Variants in ELMO1 observed in about 807,000 individuals in gnomAD.
ELMO1 encodes engulfment and cell motility 1, also known as engulfment and cell motility protein 1.
In ELMO1, 26 loss-of-function variants were observed where a neutral mutation model predicts 98.9. The observed-to-expected ratio is 0.26, with a 90% CI of 0.19 to 0.36. The LOEUF (loss-of-function observed/expected upper bound fraction) is 0.36, where lower values mean the gene tolerates loss of function less well. Among genes scored for constraint, ELMO1 ranks in the 10% least tolerant of loss-of-function variants. The pLI is 1.00. For synonymous variants in ELMO1, 346 were observed against 346.0 expected, an observed-to-expected ratio of 1.00 and a Z score of 0.00; for missense variants, 627 against 935.2, an observed-to-expected ratio of 0.67 and a Z score of 4.30.
intron 4 of ELMO1, among the ~76,000 whole-genome samples, chr7:37,279,335 C>T (rs1318428706): frequency 6.6e-6 from 1 of 152,160 alleles, no homozygotes; most frequent in Non-Finnish European, 1.5e-5. Flanking sequence ...TCATGGCGGA[C>T]GGGAGGCAGG....
intron 13 of ELMO1, among the ~76,000 whole-genome samples, chr7:37,171,483 A>ATTTTTTTTTTTTTTTTTTTT (rs71780142): frequency 1.2e-5 from 1 of 82,914 alleles, no homozygotes; most frequent in African/African-American, 4.2e-5. Context: ...AGGCCTTTCT[A>ATTTTTTTTTTTTTTTTTTTT]TTTTTTTTTT....
intron 1 of ELMO1, among the ~76,000 whole-genome samples, chr7:37,392,000 A>G (rs547714945): frequency 1.3e-5 from 2 of 152,316 alleles, no homozygotes; most frequent in Non-Finnish European, 2.9e-5. Context: ...GCACCCAGAA[A>G]TTGAAGAACT....
rs533643332 is a variant in ELMO1, at chr7:37,399,447, A to C, written c.-74+49228T>G. Among the ~76,000 whole-genome samples, 5 of 152,286 alleles carry C rather than the reference A, an allele frequency of 3.3e-5. No individual in the cohort carries two copies. The South Asian group carries it at 1.0e-3, about 32-fold the overall frequency. On this transcript the variant is annotated intron_variant, in intron 1 of 21. Transcript: ENST00000310758. ...CTCTCAGGAAGCCCTGGGCATAGCCACCTTGCACCAGGCACATGTTATTCC... is the reference window on the plus strand; with the variant it reads ...CTCTCAGGAAGCCCTGGGCATAGCCCCCTTGCACCAGGCACATGTTATTCC...
At chr7:36,928,895 G>C (rs377217259) in intron 16 of ELMO1, among the ~76,000 whole-genome samples, 22 of 152,312 alleles carry the variant, frequency 1.4e-4, no homozygotes, top group African/African-American at 4.8e-4. Context: ...CACAGCACGT[G>C]CACCCACAAC....
chr7:36,931,324 G>C (rs1406878577), intron 16 of ELMO1, among the ~76,000 whole-genome samples: 1 of 152,186 alleles, frequency 6.6e-6, no homozygotes, highest in Non-Finnish European at 1.5e-5. Context: ...TTCAGGCCAG[G>C]CATGGTGGCT....
At chr7:37,120,339 C>T (rs565077250) in intron 14 of ELMO1, among the ~76,000 whole-genome samples, 230 of 152,352 alleles carry the variant, frequency 1.5e-3, no homozygotes, top group African/African-American at 5.1e-3. Context: ...TTGCCTCACC[C>T]GACAAGCGCA....
chr7:37,109,960 C>T (rs1297717254), intron 14 of ELMO1, among the ~76,000 whole-genome samples: 2 of 152,164 alleles, frequency 1.3e-5, no homozygotes, highest in Non-Finnish European at 2.9e-5. Flanking sequence ...GTGTTGCAGG[C>T]CACAGCAATG....
chr7:37,145,543 A>G (rs1036373342), intron 13 of ELMO1, among the ~76,000 whole-genome samples: 7 of 152,240 alleles, frequency 4.6e-5, no homozygotes, highest in Non-Finnish European at 8.8e-5. Context: ...TAATCAGGCA[A>G]TATTTCTACT....
At chr7:36,915,694 A>G (rs1784637966) in intron 16 of ELMO1, among the ~76,000 whole-genome samples, 1 of 152,218 alleles carries the variant, frequency 6.6e-6, no homozygotes, top group Admixed American at 6.5e-5. Context: ...TGTGTTGGCA[A>G]TCCAAGATAT....
intron 4 of ELMO1, among the ~76,000 whole-genome samples, chr7:37,312,219 A>G (rs1415300866): frequency 6.6e-6 from 1 of 152,118 alleles, no homozygotes; most frequent in East Asian, 1.9e-4. Context: ...CAGCCTCCTG[A>G]GTGGGACTAC....
At chr7:37,291,000 T>G (rs549265400) in intron 4 of ELMO1, among the ~76,000 whole-genome samples, 1 of 152,078 alleles carries the variant, frequency 6.6e-6, no homozygotes, top group African/African-American at 2.4e-5. Flanking sequence ...GTCTTGTTAG[T>G]TGGAAGCTAT....
chr7:37,045,783 G>A (rs765663725), intron 15 of ELMO1, among the ~76,000 whole-genome samples: 36 of 152,106 alleles, frequency 2.4e-4, no homozygotes, highest in Admixed American at 4.6e-4. Flanking sequence ...TTTCTATGAT[G>A]GAAAGTATCT....
At chr7:37,272,559 C>T (rs554381962) in intron 4 of ELMO1, among the ~76,000 whole-genome samples, 135 of 152,152 alleles carry the variant, frequency 8.9e-4, no homozygotes, top group Admixed American at 3.5e-3. Context: ...CCTGTAATCC[C>T]AGCTACTCAG....
At chr7:37,376,082 T>C in intron 1 of ELMO1, 1 of 353,560 alleles carries the variant, frequency 2.8e-6, no homozygotes, top group South Asian at 2.6e-5. Context: ...TTTAAAAAAA[T>C]GAACAAACAA....
chr7:37,397,326 T>C (rs1882077), intron 1 of ELMO1, among the ~76,000 whole-genome samples: 74,148 of 152,130 alleles, frequency 0.49, 19,780 homozygotes, highest in Non-Finnish European at 0.61. Flanking sequence ...AAGAGAAATA[T>C]TTAGTTCTCA....
intron 14 of ELMO1, among the ~76,000 whole-genome samples, chr7:37,100,372 C>T (rs1469916626): frequency 2.6e-5 from 4 of 152,194 alleles, no homozygotes; most frequent in South Asian, 2.1e-4. Context: ...CCTCTGAATG[C>T]TCTGTGTTTC....
At chr7:36,896,464 G>A (rs1760115322) in intron 16 of ELMO1, among the ~76,000 whole-genome samples, 1 of 152,172 alleles carries the variant, frequency 6.6e-6, no homozygotes, top group African/African-American at 2.4e-5. Flanking sequence ...CAGACTGATG[G>A]ACTCTGTTGG....
intron 13 of ELMO1, among the ~76,000 whole-genome samples, chr7:37,186,259 T>C: frequency 6.6e-6 from 1 of 152,118 alleles, no homozygotes. Context: ...GATATCCACA[T>C]GCAAAAATGA....
At chr7:36,945,837 A>G (rs892765714) in intron 16 of ELMO1, among the ~76,000 whole-genome samples, 1 of 152,208 alleles carries the variant, frequency 6.6e-6, no homozygotes, top group Admixed American at 6.5e-5. Flanking sequence ...TTTCTTTTCA[A>G]CTGGACCAAC....
Sources: allele counts gnomAD v4.1 joint callset (sites outside exome capture counted in the v4.1 genomes callset), GRCh38; gene constraint gnomAD v4.1.1; transcripts MANE v1.5; gene names NCBI Gene and HGNC (gene_info 2026-07-23, HGNC 2026-07-21).